Variants in PGAP1 observed in about 807,000 individuals in gnomAD.
The protein encoded by PGAP1 is post-GPI attachment to proteins inositol deacylase 1.
Under a neutral mutation model 127.0 loss-of-function variants are expected in PGAP1, and 76 were observed. The ratio of observed to expected loss-of-function variants is 0.60; its 90% CI spans 0.50 to 0.72. The LOEUF is 0.72. Among genes scored for constraint, PGAP1 ranks in the 30% least tolerant of loss-of-function variants. The pLI is 0.00. For synonymous variants in PGAP1, 362 were observed against 366.5 expected (o/e 0.99, Z 0.14); for missense variants, 982 against 1,071.3 (o/e 0.92, Z 1.16).
intron 26 of PGAP1, among the ~76,000 whole-genome samples, chr2:196,841,954 T>G (rs979047439): frequency 1.3e-5 from 2 of 152,118 alleles, no homozygotes; most frequent in African/African-American, 2.4e-5. Flanking sequence ...GGACTTTTAT[T>G]CAGTAGTTCC....
chr2:196,901,238 G>A (rs565187005), intron 5 of PGAP1, among the ~76,000 whole-genome samples: 1 of 152,306 alleles, frequency 6.6e-6, no homozygotes, highest in South Asian at 2.1e-4. Context: ...CTAATAATGA[G>A]GTTTGATAGT....
chr2:196,904,884 C>T (rs1702640928), intron 4 of PGAP1, among the ~76,000 whole-genome samples: 1 of 152,074 alleles, frequency 6.6e-6, no homozygotes, highest in Non-Finnish European at 1.5e-5. Flanking sequence ...AGTGCAGAGC[C>T]CAGTGCAGGG....
chr2:196,877,736 C>T (rs1216944742), intron 13 of PGAP1: 1 of 152,042 alleles, frequency 6.6e-6, no homozygotes, highest in Non-Finnish European at 1.5e-5. Flanking sequence ...CTCTATTTCT[C>T]CTACATTTTT....
intron 5 of PGAP1, among the ~76,000 whole-genome samples, chr2:196,901,002 T>C (rs1202027450): frequency 1.3e-5 from 2 of 152,122 alleles, no homozygotes; most frequent in Non-Finnish European, 2.9e-5. Flanking sequence ...CACACACCCA[T>C]GCCTACACAC....
In PGAP1 at chr2:196,841,109, A is replaced by G; in HGVS notation, c.*125T>C. The G allele has an allele frequency of 9.3e-7, 1 of 1,070,776 alleles. No homozygotes were observed. The allele number at this position is 1,070,776 out of a possible 1,614,324, so 66.3% of individuals were successfully genotyped here. On this transcript the variant is annotated 3_prime_UTR_variant, in exon 27 of 27. Transcript: ENST00000354764. ...ATTACAAAACTAATTTCCTATTTTCAATATTGTAAAAATAGACTTGTCTTC... is the reference window on the plus strand; with the variant it reads ...ATTACAAAACTAATTTCCTATTTTCGATATTGTAAAAATAGACTTGTCTTC...
chr2:196,898,210 T>G lies in PGAP1; in HGVS notation c.860+107A>C, dbSNP rs925343285. The G allele has an allele frequency of 4.0e-6, 3 of 744,798 alleles. No homozygotes were observed. The African/African-American group carries it at 5.5e-5, about 14-fold the overall frequency. The allele number at this position is 744,798 out of a possible 1,614,324, so 46.1% of individuals were successfully genotyped here. A position where few individuals can be genotyped will look rare whatever the true frequency, so the allele number is the denominator to read the frequency against. On this transcript the variant is annotated intron_variant, in intron 6 of 26. Transcript: ENST00000354764. Reference sequence around the variant, plus strand: ...TCCAGCCTGGGCAACAGAGCGAGACTCTGTCTCAAAAAAAAAAAAAAGTTA... The same window carrying G: ...TCCAGCCTGGGCAACAGAGCGAGACGCTGTCTCAAAAAAAAAAAAAAGTTA...
At chr2:196,847,805 GC>G (rs1177623914) in intron 21 of PGAP1, 141 bp downstream of exon 21, 3 of 538,136 alleles carry the variant, frequency 5.6e-6, no homozygotes, top group Non-Finnish European at 9.5e-6. Flanking sequence ...TTAGACCTTT[GC>G]CTAAGAGAAA....
chr2:196,911,902 T>G (rs537513416), intron 4 of PGAP1, among the ~76,000 whole-genome samples: 16 of 152,208 alleles, frequency 1.1e-4, no homozygotes, highest in Non-Finnish European at 1.8e-4. Context: ...ACGGTTTTAT[T>G]TCCTATGTTA....
Position 196,897,177 on chromosome 2 carries a change from G to T in PGAP1, c.881C>A (p.Thr294Asn), listed in dbSNP as rs1028131795. 1 of 1,583,554 alleles carries T rather than the reference G, an allele frequency of 6.3e-7. No individual in the cohort carries two copies. The highest frequency in any genetic ancestry group is 1.8e-5 in the Admixed American group (1 of 56,404). Residue 294 changes from threonine to asparagine, a missense_variant, in exon 7 of 27, where the codon ACT becomes AAT. Coordinates refer to ENST00000354764, the MANE Select transcript of PGAP1 (RefSeq NM_024989.4). ...AAGATCAAAGAATGCTCGAACTGTAGTCAACTGCAATTGTTTACACCTAAG... is the reference window on the plus strand; with the variant it reads ...AAGATCAAAGAATGCTCGAACTGTATTCAACTGCAATTGTTTACACCTAAG... ...SIVWCKQLQL[T>N]TVRAFFDLID...
At chr2:196,882,124 G>C (rs57244589) in intron 12 of PGAP1, among the ~76,000 whole-genome samples, 15,555 of 152,166 alleles carry the variant, frequency 0.1, 964 homozygotes, top group African/African-American at 0.17. Context: ...CCCATTGCTT[G>C]TTTTCGTCAA....
chr2:196,901,062 G>T (rs1001781165), intron 5 of PGAP1, among the ~76,000 whole-genome samples: 1 of 152,194 alleles, frequency 6.6e-6, no homozygotes, highest in Non-Finnish European at 1.5e-5. Context: ...TTAGGATGTG[G>T]TATCAATACA....
At chr2:196,865,785 T>C (rs1034678263) in intron 19 of PGAP1, among the ~76,000 whole-genome samples, 4 of 151,960 alleles carry the variant, frequency 2.6e-5, no homozygotes, top group Non-Finnish European at 5.9e-5. Flanking sequence ...CAGCTCTCTA[T>C]AAAATACATA....
At chr2:196,898,904 G>A (rs1019816383) in intron 5 of PGAP1, among the ~76,000 whole-genome samples, 12 of 151,336 alleles carry the variant, frequency 7.9e-5, no homozygotes, top group East Asian at 1.9e-4. Flanking sequence ...TTTCCCAAGC[G>A]GGGTCCAGGG....
At chr2:196,872,739 C>T (rs149728750) in intron 17 of PGAP1, 190 bp from the exon 18 acceptor site, 3 of 575,800 alleles carry the variant, frequency 5.2e-6, no homozygotes, top group Non-Finnish European at 9.2e-6. Context: ...ACAGGAGTTG[C>T]GAGAGGGTGG....
intron 20 of PGAP1, among the ~76,000 whole-genome samples, chr2:196,857,596 T>C (rs1210370075): frequency 6.6e-6 from 1 of 152,170 alleles, no homozygotes; most frequent in Non-Finnish European, 1.5e-5. Flanking sequence ...AATGTGAAAC[T>C]GGCCAGAATC....
At chr2:196,914,419 G>A (rs1024299815) in intron 3 of PGAP1, among the ~76,000 whole-genome samples, 1 of 152,048 alleles carries the variant, frequency 6.6e-6, no homozygotes, top group African/African-American at 2.4e-5. Flanking sequence ...TCAGGAGTTC[G>A]AGACCAGCCT....
At chr2:196,913,124 G>A in intron 3 of PGAP1, 71 bp from the exon 4 acceptor site, 16 of 1,355,968 alleles carry the variant, frequency 1.2e-5, no homozygotes, top group Non-Finnish European at 1.6e-5. Context: ...ATTTCTCTCT[G>A]CATATGACCA....
Position 196,848,039 on chromosome 2 carries a change from T to C in PGAP1, c.1862-2A>G, listed in dbSNP as rs1321219567. 1.9e-6 allele frequency: 3 copies of C among 1,590,052 alleles called. No individual in the cohort carries two copies. The highest frequency in any genetic ancestry group is 1.7e-6 in the Non-Finnish European group (2 of 1,170,842). ...TGGTAGCATATTCTAAGCAACAACC[T>C]GGTGATTTAAAAAAAGTTACATGCA... On this transcript the variant is annotated splice_acceptor_variant, in intron 20 of 26. Coordinates refer to ENST00000354764, the MANE Select transcript of PGAP1 (RefSeq NM_024989.4). LOFTEE classifies it high-confidence loss of function.
intron 1 of PGAP1, among the ~76,000 whole-genome samples, chr2:196,920,992 C>G (rs1703174075): frequency 6.6e-6 from 1 of 151,916 alleles, no homozygotes; most frequent in African/African-American, 2.4e-5. Context: ...CCCTTTTGCT[C>G]CTTTTCTTTT....
Sources: allele counts gnomAD v4.1 joint callset (sites outside exome capture counted in the v4.1 genomes callset), GRCh38; gene constraint gnomAD v4.1.1; transcripts MANE v1.5; gene names NCBI Gene and HGNC (gene_info 2026-07-23, HGNC 2026-07-21).